SMYD3: variants seen among roughly 807,000 people sequenced by gnomAD.
SMYD3 encodes the protein histone-lysine N-methyltransferase SMYD3.
Under a neutral mutation model 57.7 loss-of-function variants are expected in SMYD3, and 36 were observed. The observed-to-expected ratio is 0.62, with a 90% CI of 0.48 to 0.82. SMYD3 has a LOEUF of 0.82. Among genes scored for constraint, SMYD3 ranks in the 40% least tolerant of loss-of-function variants. The probability of loss-of-function intolerance (pLI) is 0.00; values close to 1 mark genes in which losing one functional copy is unlikely to be tolerated. For synonymous variants in SMYD3, 211 were observed against 195.0 expected (o/e 1.08, Z -0.68); for missense variants, 515 against 538.8 (o/e 0.96, Z 0.44).
chr1:245,816,304 G>C (rs1479821445), intron 10 of SMYD3, among the ~76,000 whole-genome samples: 1 of 151,912 alleles, frequency 6.6e-6, no homozygotes, highest in African/African-American at 2.4e-5. Flanking sequence ...GGGTGGCTAG[G>C]GGGTGGACAG....
chr1:245,827,020 C>T (rs537481603), intron 10 of SMYD3, among the ~76,000 whole-genome samples: 2 of 152,304 alleles, frequency 1.3e-5, no homozygotes, highest in East Asian at 3.9e-4. Context: ...AATTCAGCTT[C>T]ACTCTCGGAA....
chr1:246,502,617 T>C (rs2068474283), intron 1 of SMYD3, among the ~76,000 whole-genome samples: 1 of 152,124 alleles, frequency 6.6e-6, no homozygotes, highest in East Asian at 1.9e-4. Flanking sequence ...CCCGGGCTGG[T>C]TTAAATGGCT....
chr1:246,252,944 CATAAA>C (rs1380940751), intron 5 of SMYD3, among the ~76,000 whole-genome samples: 1 of 152,148 alleles, frequency 6.6e-6, no homozygotes, highest in South Asian at 2.1e-4. Flanking sequence ...CCGCTAACAG[CATAAA>C]ATAATGTTTA....
chr1:245,773,918 G>A (rs2046435083), intron 10 of SMYD3, among the ~76,000 whole-genome samples: 1 of 152,108 alleles, frequency 6.6e-6, no homozygotes, highest in African/African-American at 2.4e-5. Context: ...CTTAACAGCA[G>A]AAAGTTTAAA....
intron 10 of SMYD3, among the ~76,000 whole-genome samples, chr1:245,808,880 A>C (rs1169832532): frequency 2.0e-5 from 3 of 152,070 alleles, no homozygotes; most frequent in African/African-American, 7.2e-5. Flanking sequence ...CTCGTGCCTC[A>C]GCCTCCCGAA....
At chr1:245,990,287 C>A (rs988320752) in intron 5 of SMYD3, among the ~76,000 whole-genome samples, 6 of 152,136 alleles carry the variant, frequency 3.9e-5, no homozygotes, top group Non-Finnish European at 7.4e-5. Flanking sequence ...CAGGGTCTCA[C>A]TATGTTGCCC....
chr1:246,271,973 A>G (rs2064231893), intron 5 of SMYD3, among the ~76,000 whole-genome samples: 1 of 152,140 alleles, frequency 6.6e-6, no homozygotes, highest in Non-Finnish European at 1.5e-5. Context: ...AATTTCTTTC[A>G]GCAATGTTTT....
At chr1:245,954,901 A>G (rs888673898) in intron 5 of SMYD3, among the ~76,000 whole-genome samples, 1 of 152,172 alleles carries the variant, frequency 6.6e-6, no homozygotes, top group African/African-American at 2.4e-5. Context: ...AATCTTTTTT[A>G]AAAACAGATT....
chr1:246,164,360 C>T (rs1394599918), intron 5 of SMYD3, among the ~76,000 whole-genome samples: 1 of 152,150 alleles, frequency 6.6e-6, no homozygotes, highest in Non-Finnish European at 1.5e-5. Context: ...GCGGAGGTTG[C>T]AGTGAGCTGC....
chr1:245,824,241 A>G (rs2049341159), intron 10 of SMYD3, among the ~76,000 whole-genome samples: 1 of 152,204 alleles, frequency 6.6e-6, no homozygotes, highest in Admixed American at 6.5e-5. Context: ...TGACCAAAAT[A>G]TAGGTTGCCA....
chr1:246,285,859 T>C (rs2064550886), intron 5 of SMYD3, among the ~76,000 whole-genome samples: 1 of 152,056 alleles, frequency 6.6e-6, no homozygotes, highest in Non-Finnish European at 1.5e-5. Flanking sequence ...CAAAAGAAGA[T>C]ATAAATGGCC....
intron 10 of SMYD3, among the ~76,000 whole-genome samples, chr1:245,833,579 C>T (rs746946515): frequency 7.2e-5 from 11 of 152,238 alleles, no homozygotes; most frequent in Non-Finnish European, 1.5e-4. Context: ...CATGGCCTCA[C>T]TTGTGAAGCT....
chr1:246,317,650 A>G (rs547646271), intron 5 of SMYD3, among the ~76,000 whole-genome samples: 1 of 152,360 alleles, frequency 6.6e-6, no homozygotes, highest in East Asian at 1.9e-4. Flanking sequence ...CACGATAAGC[A>G]TGTGAGGTAA....
intron 1 of SMYD3, among the ~76,000 whole-genome samples, chr1:246,498,911 C>T (rs1249054944): frequency 6.6e-6 from 1 of 151,756 alleles, no homozygotes; most frequent in African/African-American, 2.4e-5. Context: ...ACCTCAGCCT[C>T]CCAAGTAACT....
At chr1:245,878,230 A>G (rs2052593350) in intron 8 of SMYD3, among the ~76,000 whole-genome samples, 1 of 152,244 alleles carries the variant, frequency 6.6e-6, no homozygotes, top group Non-Finnish European at 1.5e-5. Flanking sequence ...CAGATTAAAC[A>G]GGAAACAATG....
At chr1:245,936,469 A>C (rs900430651) in intron 5 of SMYD3, among the ~76,000 whole-genome samples, 1 of 152,186 alleles carries the variant, frequency 6.6e-6, no homozygotes, top group Non-Finnish European at 1.5e-5. Flanking sequence ...ATAATCGAGA[A>C]AAAGAACATA....
intron 5 of SMYD3, among the ~76,000 whole-genome samples, chr1:246,128,493 A>G (rs1010583826): frequency 1.3e-5 from 2 of 152,224 alleles, no homozygotes; most frequent in Admixed American, 6.5e-5. Context: ...AGGCACATTG[A>G]TAAGTGCTTT....
chr1:245,764,034 C>T lies in SMYD3; in HGVS notation c.1185+7G>A, dbSNP rs751772889. ...GGCAGAACTATGTGAGATCTTGGCA[C>T]ACTCACCAGTCTCAGATTCTTCATT... On this transcript the variant is annotated splice_region_variant and intron_variant, in intron 11 of 11. Transcript: ENST00000490107. The T allele has an allele frequency of 1.2e-6, 2 of 1,603,590 alleles. No individual in the cohort carries two copies. The highest frequency in any genetic ancestry group is 3.3e-5 in the Admixed American group (2 of 59,996).
rs2065892561 is a variant in SMYD3 at position 246,355,213 on chromosome 1, T to C, written c.165-119A>G. 1 of 925,958 alleles carries C rather than the reference T, an allele frequency of 1.1e-6. No individual in the cohort carries two copies. The highest frequency in any genetic ancestry group is 1.7e-6 in the Non-Finnish European group (1 of 594,834). The allele number at this position is 925,958 out of a possible 1,614,324, so 57.4% of individuals were successfully genotyped here. A position where few individuals can be genotyped will look rare whatever the true frequency, so the allele number is the denominator to read the frequency against. ...CGTATGTTCTGTTTACTCCATTATG[T>C]ACAGTCCCTTAAGATTTGGATTTTC... On this transcript the variant is annotated intron_variant, in intron 1 of 11. Transcript: ENST00000490107. The surrounding 1 kb of genome is among the most constrained non-coding windows in gnomAD (Gnocchi z 5.0).
Sources: allele counts gnomAD v4.1 joint callset (sites outside exome capture counted in the v4.1 genomes callset), GRCh38; gene constraint gnomAD v4.1.1; non-coding constraint Gnocchi (gnomAD v3.1); transcripts MANE v1.5; gene names NCBI Gene and HGNC (gene_info 2026-07-23, HGNC 2026-07-21).